The following CENPW variants were observed in gnomAD, a reference collection of about 807,000 sequenced individuals.
The protein encoded by CENPW is cancer-up-regulated gene 2 protein.
A neutral mutation model predicts 11.1 loss-of-function variants in CENPW; 3 were observed. The observed-to-expected ratio is 0.27, with a 90% CI of 0.12 to 0.70. The LOEUF (loss-of-function observed/expected upper bound fraction) is 0.70, where lower values mean the gene tolerates loss of function less well. Among genes scored for constraint, CENPW ranks in the 30% least tolerant of loss-of-function variants. The pLI is 0.77. For synonymous variants in CENPW, 38 were observed against 42.0 expected (o/e 0.91, Z 0.37); for missense variants, 100 against 105.6 (o/e 0.95, Z 0.23).
At chr6:126,460,893 C>T in the CENPW span, among the ~76,000 whole-genome samples, 1 of 151,880 alleles carries the variant, frequency 6.6e-6, no homozygotes. Flanking sequence ...AGGAGCCTGA[C>T]TAAAGTTTAG....
At chr6:126,437,773 C>T in the CENPW span, among the ~76,000 whole-genome samples, 1 of 151,402 alleles carries the variant, frequency 6.6e-6, no homozygotes, top group Non-Finnish European at 1.5e-5. Flanking sequence ...GGAGCTAGAG[C>T]CTGAAATGCA....
the CENPW span, among the ~76,000 whole-genome samples, chr6:126,394,502 CGTT>C: frequency 2.0e-5 from 3 of 151,978 alleles, no homozygotes; most frequent in Admixed American, 2.0e-4. Context: ...TGTCTTGAAA[CGTT>C]GTAGTTATTA....
chr6:126,346,772 C>T (rs1177022763), intron 2 of CENPW, among the ~76,000 whole-genome samples: 1 of 152,162 alleles, frequency 6.6e-6, no homozygotes, highest in African/African-American at 2.4e-5. Context: ...GATCTAATCA[C>T]TTCCCTTCCT....
At chr6:126,393,751 T>C in the CENPW span, among the ~76,000 whole-genome samples, 1 of 149,288 alleles carries the variant, frequency 6.7e-6, no homozygotes, top group African/African-American at 2.4e-5. Flanking sequence ...TGGATATACA[T>C]ATATAAAAAT....
chr6:126,399,569 G>C, the CENPW span, among the ~76,000 whole-genome samples: 13 of 151,556 alleles, frequency 8.6e-5, 1 homozygote, highest in Middle Eastern at 3.4e-3. Context: ...TTTTACATCT[G>C]TTTTTCTTTT....
chr6:126,438,768 T>A, the CENPW span, among the ~76,000 whole-genome samples: 1 of 151,736 alleles, frequency 6.6e-6, no homozygotes, highest in Non-Finnish European at 1.5e-5. Context: ...TATAATTTTA[T>A]ATCATGACAA....
chr6:126,462,581 C>T, the CENPW span, among the ~76,000 whole-genome samples: 1 of 149,930 alleles, frequency 6.7e-6, no homozygotes, highest in Non-Finnish European at 1.5e-5. Flanking sequence ...TACTCTCTTT[C>T]TTGCTTTTTC....
chr6:126,455,217 T>C, the CENPW span, among the ~76,000 whole-genome samples: 1 of 151,428 alleles, frequency 6.6e-6, no homozygotes, highest in South Asian at 2.1e-4. Flanking sequence ...ACTCATTTTA[T>C]AAGGCTAGCA....
chr6:126,352,085 C>CAGGG (rs983170431), downstream of CENPW, among the ~76,000 whole-genome samples: 4 of 152,000 alleles, frequency 2.6e-5, no homozygotes, highest in African/African-American at 9.7e-5. Context: ...TGTTGCCATC[C>CAGGG]AGGGGCCATG....
At chr6:126,468,100 A>C in the CENPW span, among the ~76,000 whole-genome samples, 1 of 152,140 alleles carries the variant, frequency 6.6e-6, no homozygotes, top group Non-Finnish European at 1.5e-5. Context: ...AGTGGAGCCT[A>C]AAGAGATAGG....
chr6:126,459,991 C>T, the CENPW span, among the ~76,000 whole-genome samples: 7 of 150,280 alleles, frequency 4.7e-5, no homozygotes, highest in Non-Finnish European at 1.0e-4. Context: ...CAAATAAATT[C>T]TATTCTTATG....
At chr6:126,386,910 C>A in the CENPW span, among the ~76,000 whole-genome samples, 2 of 151,982 alleles carry the variant, frequency 1.3e-5, no homozygotes, top group Admixed American at 1.3e-4. Flanking sequence ...ACATTCTGTG[C>A]CCTATTAAAG....
At chr6:126,415,856 T>C in the CENPW span, among the ~76,000 whole-genome samples, 2 of 152,168 alleles carry the variant, frequency 1.3e-5, no homozygotes, top group Admixed American at 1.3e-4. Flanking sequence ...AACTGCCCAG[T>C]CCCAGTTATG....
intron 1 of CENPW, among the ~76,000 whole-genome samples, chr6:126,343,837 A>G (rs771891683): frequency 3.3e-5 from 5 of 152,156 alleles, no homozygotes; most frequent in Admixed American, 6.6e-5. Context: ...ACTGACTCCA[A>G]TATTATTTTC....
chr6:126,404,170 T>G, the CENPW span, among the ~76,000 whole-genome samples: 1 of 152,112 alleles, frequency 6.6e-6, no homozygotes, highest in Non-Finnish European at 1.5e-5. Context: ...ATCTTATTGC[T>G]CACTGACAAT....
At chr6:126,400,362 G>A in the CENPW span, among the ~76,000 whole-genome samples, 2 of 151,904 alleles carry the variant, frequency 1.3e-5, no homozygotes, top group Admixed American at 6.6e-5. Flanking sequence ...CTTCTTTTGC[G>A]AGTTCTCTAT....
chr6:126,445,286 T>C, the CENPW span, among the ~76,000 whole-genome samples: 1 of 151,188 alleles, frequency 6.6e-6, no homozygotes, highest in Non-Finnish European at 1.5e-5. Context: ...TTTGGTATTG[T>C]AGGAACACCC....
chr6:126,448,768 A>G, the CENPW span, among the ~76,000 whole-genome samples: 1 of 151,030 alleles, frequency 6.6e-6, no homozygotes, highest in Non-Finnish European at 1.5e-5. Context: ...GGATAAATCC[A>G]CTCTCAAATC....
chr6:126,423,072 T>C, the CENPW span, among the ~76,000 whole-genome samples: 2 of 152,138 alleles, frequency 1.3e-5, no homozygotes, highest in Non-Finnish European at 2.9e-5. Context: ...ATTTTCTTCT[T>C]GCATAAATCT....
Sources: gnomAD v4.1 joint callset for allele counts (sites outside exome capture counted in the v4.1 genomes callset) on GRCh38, gnomAD v4.1.1 for gene constraint, MANE v1.5 for transcripts, NCBI Gene and HGNC (gene_info 2026-07-23, HGNC 2026-07-21) for gene names.